CLDN10: variants seen among roughly 807,000 people sequenced by gnomAD.
CLDN10 encodes the protein claudin-10.
Under a neutral mutation model 22.9 loss-of-function variants are expected in CLDN10, and 15 were observed. The ratio of observed to expected loss-of-function variants is 0.65; its 90% confidence interval spans 0.44 to 1.01. The LOEUF (loss-of-function observed/expected upper bound fraction) is 1.01. Ranked by LOEUF, CLDN10 falls within the 50% of genes least tolerant of loss-of-function variation. The pLI is 0.00. For missense variants in CLDN10, 247 were observed against 287.8 expected (o/e 0.86, Z 1.03); for synonymous variants, 114 against 111.4 (o/e 1.02, Z -0.15).
rs191356307 is a variant in CLDN10 at position 95,484,796 on chromosome 13, G to T, written c.214+50749G>T. On this transcript the variant is annotated intron_variant, in intron 1 of 4. Coordinates refer to the CLDN10 transcript ENST00000376873. ...CACAAGAATCGCTTGGACCCAGGAG[G>T]TGGAGGTTGGAATGAGCCAAGATTG... Among the ~76,000 whole-genome samples, 677 of 149,932 alleles carry T rather than the reference G, an allele frequency of 4.5e-3. 7 individuals carry two copies. Among genetic ancestry groups the T allele is most frequent in the African/African-American group, 0.016 (650 of 40,754 alleles).
chr13:95,516,686 T>C (rs2043170740), intron 1 of CLDN10, among the ~76,000 whole-genome samples: 2 of 152,172 alleles, frequency 1.3e-5, no homozygotes, highest in Admixed American at 1.3e-4. Flanking sequence ...CTCAAGGACT[T>C]CTTCGGGGCA....
At chr13:95,520,896 C>T (rs947562795) in intron 1 of CLDN10, among the ~76,000 whole-genome samples, 7 of 150,570 alleles carry the variant, frequency 4.6e-5, no homozygotes, top group East Asian at 2.0e-4. Context: ...AGGAGAATCG[C>T]GGAGACTGCA....
intron 1 of CLDN10, among the ~76,000 whole-genome samples, chr13:95,451,692 C>G (rs2042433000): frequency 6.6e-6 from 1 of 152,210 alleles, no homozygotes; most frequent in South Asian, 2.1e-4. Context: ...CTTATGAAGA[C>G]AGGGATCCAA....
At chr13:95,447,439 G>A (rs889976965) in intron 1 of CLDN10, among the ~76,000 whole-genome samples, 7 of 152,144 alleles carry the variant, frequency 4.6e-5, no homozygotes, top group African/African-American at 1.7e-4. Flanking sequence ...AACCTGGACC[G>A]CAGACCTCTC....
At chr13:95,520,391 G>C (rs2043212236) in intron 1 of CLDN10, among the ~76,000 whole-genome samples, 1 of 152,020 alleles carries the variant, frequency 6.6e-6, no homozygotes, top group South Asian at 2.1e-4. Flanking sequence ...TATTTATTTA[G>C]AGATGGAGTT....
intron 1 of CLDN10, among the ~76,000 whole-genome samples, chr13:95,444,219 G>A (rs1281537844): frequency 6.6e-6 from 1 of 152,098 alleles, no homozygotes; most frequent in Non-Finnish European, 1.5e-5. Context: ...TGGTGTGCTG[G>A]GCTTAGTCAT....
chr13:95,548,190 T>C (rs1053657901), upstream of CLDN10, among the ~76,000 whole-genome samples: 1 of 152,182 alleles, frequency 6.6e-6, no homozygotes, highest in Non-Finnish European at 1.5e-5. Context: ...GTACCCAACC[T>C]GTCTACAAGC....
intron 3 of CLDN10, among the ~76,000 whole-genome samples, chr13:95,573,216 C>T (rs915342639): frequency 6.6e-6 from 1 of 152,206 alleles, no homozygotes; most frequent in Non-Finnish European, 1.5e-5. Context: ...TAAAGCCACT[C>T]AGTGACTTTA....
intron 1 of CLDN10, among the ~76,000 whole-genome samples, chr13:95,553,299 C>T (rs1566333430): frequency 6.6e-6 from 1 of 152,134 alleles, no homozygotes; most frequent in Non-Finnish European, 1.5e-5. Context: ...CCTCCCCCAC[C>T]CCCCATATCT....
At chr13:95,577,365 GT>G (rs771974638) in intron 4 of CLDN10, 27 bp downstream of exon 4, 1 of 1,384,180 alleles carries the variant, frequency 7.2e-7, no homozygotes, top group South Asian at 1.2e-5. Flanking sequence ...AAAATGACCT[GT>G]TAAAAAGTAG....
chr13:95,503,050 G>C (rs1169792383), intron 1 of CLDN10, among the ~76,000 whole-genome samples: 6 of 152,182 alleles, frequency 3.9e-5, no homozygotes, highest in African/African-American at 1.4e-4. Flanking sequence ...CTTGTGGTAG[G>C]GTTAAATTTG....
At chr13:95,563,095 A>ACTCT (rs34473629) in intron 3 of CLDN10, among the ~76,000 whole-genome samples, 16,942 of 127,824 alleles carry the variant, frequency 0.13, 1,225 homozygotes, top group South Asian at 0.16. Context: ...CTGCCTACCC[A>ACTCT]CTCTCTCTCT....
At chr13:95,525,854 T>C (rs915462706) in intron 1 of CLDN10, among the ~76,000 whole-genome samples, 2 of 152,110 alleles carry the variant, frequency 1.3e-5, no homozygotes, top group Non-Finnish European at 2.9e-5. Flanking sequence ...AATAACCTTA[T>C]TAAAATTGAC....
At chr13:95,521,959 T>C (rs1241901229) in intron 1 of CLDN10, among the ~76,000 whole-genome samples, 1 of 152,022 alleles carries the variant, frequency 6.6e-6, no homozygotes, top group African/African-American at 2.4e-5. Flanking sequence ...CCTTAAGTAA[T>C]TCATGAATCT....
intron 3 of CLDN10, among the ~76,000 whole-genome samples, chr13:95,574,936 T>C (rs1327332068): frequency 6.6e-6 from 1 of 152,228 alleles, no homozygotes; most frequent in Non-Finnish European, 1.5e-5. Context: ...GTAGCAATAC[T>C]GTGTCTGTGT....
chr13:95,505,913 C>A lies in CLDN10; in HGVS notation c.215-54219C>A, dbSNP rs1229434914. Among the ~76,000 whole-genome samples the A allele has an allele frequency of 3.3e-5, 5 of 152,206 alleles. No homozygotes were observed. The East Asian group carries it at 9.7e-4, about 29-fold the overall frequency. On this transcript the variant is annotated intron_variant, in intron 1 of 4. Transcript: ENST00000376873. ...GGGATTACAGGTGCCTGCCACCACG[C>A]CCAGCTAGTTGAGATGGGGTTTCAC...
At chr13:95,577,827 G>A (rs1008736718) in intron 4 of CLDN10, 73 bp from the exon 5 acceptor site, 34 of 905,230 alleles carry the variant, frequency 3.8e-5, no homozygotes, top group Admixed American at 1.1e-4. Flanking sequence ...GAGACAGGCC[G>A]AAACAGTTTC....
At position 95,495,313 on chromosome 13, in the gene CLDN10, A is replaced by T. The variant is rs531690578; in HGVS notation, c.214+61266A>T. On this transcript the variant is annotated intron_variant, in intron 1 of 4. Coordinates refer to the CLDN10 transcript ENST00000376873. ...TGGCTTCCCAAAGTGCTGGGATTAC[A>T]GGCGTGAGCCACCGTGCCCTGCCCC... Among the ~76,000 whole-genome samples, 4 of 152,006 alleles carry T rather than the reference A, an allele frequency of 2.6e-5. No homozygotes were observed. The South Asian group carries it at 8.4e-4, about 32-fold the overall frequency.
intron 3 of CLDN10, among the ~76,000 whole-genome samples, chr13:95,576,889 C>A (rs1307717767): frequency 6.6e-6 from 1 of 152,186 alleles, no homozygotes; most frequent in African/African-American, 2.4e-5. Flanking sequence ...ATTTGCGCTG[C>A]AGAACAGAAC....
Sources: gnomAD v4.1 joint callset for allele counts (sites outside exome capture counted in the v4.1 genomes callset) on GRCh38, gnomAD v4.1.1 for gene constraint, MANE v1.5 for transcripts, NCBI Gene and HGNC (gene_info 2026-07-23, HGNC 2026-07-21) for gene names.